Variants in HERC1 observed in about 807,000 individuals in gnomAD.
HERC1 encodes the protein probable E3 ubiquitin-protein ligase HERC1.
HERC1 carries 160 observed loss-of-function variants against 554.3 expected under a neutral mutation model. The observed-to-expected ratio is 0.29, with a 90% CI of 0.25 to 0.33. The LOEUF (loss-of-function observed/expected upper bound fraction) is 0.33. Among genes scored for constraint, HERC1 ranks in the 10% least tolerant of loss-of-function variants. The pLI is 1.00. For synonymous variants in HERC1, 2,175 were observed against 2,131.7 expected (o/e 1.02, Z -0.56); for missense variants, 4,919 against 5,918.5 (o/e 0.83, Z 5.54).
At chr15:63,641,927 C>A (rs180862267) in intron 59 of HERC1, among the ~76,000 whole-genome samples, 1 of 152,066 alleles carries the variant, frequency 6.6e-6, no homozygotes, top group Non-Finnish European at 1.5e-5. Flanking sequence ...TCAGAACCTG[C>A]AGAATAAGGC....
At chr15:63,726,226 G>A (rs547386015) in intron 17 of HERC1, among the ~76,000 whole-genome samples, 15 of 152,122 alleles carry the variant, frequency 9.9e-5, no homozygotes, top group African/African-American at 3.6e-4. Context: ...AGGTGATCCG[G>A]CGGCCTCAGC....
Position 63,674,400 on chromosome 15 carries a change from G to C in HERC1, c.7788C>G (p.Ile2596Met), listed in dbSNP as rs1251390493. 1 of 1,613,154 alleles carries C rather than the reference G, an allele frequency of 6.2e-7. No homozygotes were observed. The change falls in exon 38 of 78, where the codon ATC (isoleucine) becomes ATG (methionine). Residue 2596 changes from isoleucine to methionine, a missense_variant. Physicochemically the swap from Ile to Met is conservative, Grantham distance 10. Around this residue, in one of 11 missense-constraint regions of HERC1, gnomAD observed 1,963 missense variants for 2,228.6 expected, o/e 0.88. Coordinates refer to ENST00000443617, the MANE Select transcript of HERC1 (RefSeq NM_003922.4). ...LADLERAQAM[I>M]YKLVVHGLLE... The stretch of plus-strand genomic sequence containing the variant: ...AAAGCCCATGAACCACTAATTTATA[G>C]ATCATGGCTTGCGCTCGTTCCAGAT...
In HERC1 at chr15:63,694,280, T is replaced by C. The variant is rs1289582569; in HGVS notation, c.5480+32A>G. The C allele has an allele frequency of 1.1e-5, 18 of 1,591,734 alleles. No homozygotes were observed. The highest frequency in any genetic ancestry group is 2.3e-5 in the East Asian group (1 of 44,074). ...TAAAATGGAGGAAGACCAGACTTCA[T>C]ACAGTTCTACAAAGACATCTACCAT... On this transcript the variant is annotated intron_variant, in intron 29 of 77. Transcript: ENST00000443617. The surrounding 1 kb of genome is among the most constrained non-coding windows in gnomAD (Gnocchi z 4.3).
In HERC1 at chr15:63,758,398, T is replaced by C. The variant is rs757059643; in HGVS notation, c.1027-29A>G. On this transcript the variant is annotated intron_variant, in intron 3 of 77. Transcript: ENST00000443617. The surrounding 1 kb of genome is among the most constrained non-coding windows in gnomAD (Gnocchi z 4.0). ...TTAAAAATTTAAAATATGCAACAAATAGTCAAGACAGTTTTAGTCTGGGCA... is the reference window on the plus strand; with the variant it reads ...TTAAAAATTTAAAATATGCAACAAACAGTCAAGACAGTTTTAGTCTGGGCA... 1.0e-5 allele frequency: 15 copies of C among 1,507,460 alleles called. No homozygotes were observed. Among genetic ancestry groups the C allele is most frequent in the Admixed American group, 1.8e-5 (1 of 54,764 alleles). The allele number at this position is 1,507,460 out of a possible 1,614,324, so 93.4% of individuals were successfully genotyped here.
chr15:63,762,065 G>A (rs1478498913), intron 3 of HERC1, among the ~76,000 whole-genome samples: 1 of 152,126 alleles, frequency 6.6e-6, no homozygotes, highest in Non-Finnish European at 1.5e-5. Context: ...TCCAATAAAA[G>A]AAACCAGGAC....
chr15:63,779,126 G>A (rs2076202631), intron 1 of HERC1, among the ~76,000 whole-genome samples: 1 of 151,414 alleles, frequency 6.6e-6, no homozygotes, highest in African/African-American at 2.4e-5. Flanking sequence ...AAAAAGATAA[G>A]AAAAAAGAAT....
Position 63,727,654 on chromosome 15 carries a change from A to G in HERC1, c.3339T>C (p.Pro1113=). The part of the protein sequence containing the change: ...DLLEDQELQW[P]LHGGPELIDP... The stretch of plus-strand genomic sequence containing the variant: ...TTTATTGTCTTTACTTACCATGAAG[A>G]GGCCACTGTAACTCCTGGTCTTCTA... Residue 1113 remains proline (P), a synonymous_variant, in exon 17 of 78, where the codon CCT becomes CCC. Coordinates refer to ENST00000443617, the MANE Select transcript of HERC1 (RefSeq NM_003922.4). The surrounding 1 kb of genome is among the most constrained non-coding windows in gnomAD (Gnocchi z 4.3). 3.7e-6 allele frequency: 6 copies of G among 1,609,876 alleles called. No homozygotes were observed. Among genetic ancestry groups the G allele is most frequent in the Non-Finnish European group, 5.1e-6 (6 of 1,177,728 alleles).
chr15:63,787,203 A>T (rs925967276), intron 1 of HERC1, among the ~76,000 whole-genome samples: 1 of 151,782 alleles, frequency 6.6e-6, no homozygotes, highest in Non-Finnish European at 1.5e-5. Flanking sequence ...GTCACCAAGG[A>T]TGGAGTGCAG....
At chr15:63,632,897 C>A in intron 67 of HERC1, 86 bp from the exon 68 acceptor site, 1 of 851,562 alleles carries the variant, frequency 1.2e-6, no homozygotes. Context: ...TCAAGAACTA[C>A]CTTCCAACAA....
intron 14 of HERC1, among the ~76,000 whole-genome samples, chr15:63,731,574 T>A (rs537532753): frequency 6.6e-6 from 1 of 152,352 alleles, no homozygotes; most frequent in Non-Finnish European, 1.5e-5. Context: ...AACATCAGAT[T>A]AAATTTACAT....
chr15:63,617,753 T>C (rs950439496), intron 74 of HERC1, among the ~76,000 whole-genome samples: 1 of 152,250 alleles, frequency 6.6e-6, no homozygotes, highest in Non-Finnish European at 1.5e-5. Flanking sequence ...ATTTCTCTGA[T>C]GGCCAGTGAT....
At chr15:63,638,836 AC>A in intron 61 of HERC1, 60 bp from the exon 62 acceptor site, 2 of 1,158,094 alleles carry the variant, frequency 1.7e-6, no homozygotes, top group Admixed American at 3.4e-5. Context: ...CCTGCTCTTA[AC>A]CACAAAGTCC....
chr15:63,765,474 C>G (rs542559341), intron 2 of HERC1, among the ~76,000 whole-genome samples: 12 of 152,204 alleles, frequency 7.9e-5, no homozygotes, highest in Non-Finnish European at 1.5e-4. Context: ...CTCATTATAT[C>G]CATCCAGCGT....
At chr15:63,788,217 T>C (rs2076519023) in intron 1 of HERC1, among the ~76,000 whole-genome samples, 1 of 152,148 alleles carries the variant, frequency 6.6e-6, no homozygotes, top group Non-Finnish European at 1.5e-5. Flanking sequence ...ACTGATGATT[T>C]GGGGAACAAA....
intron 1 of HERC1, among the ~76,000 whole-genome samples, chr15:63,814,120 A>C (rs1246290340): frequency 6.6e-6 from 1 of 152,190 alleles, no homozygotes. Context: ...ATAAAACTAT[A>C]TGTACAGAAT....
chr15:63,812,440 G>C (rs1159725082), intron 1 of HERC1, among the ~76,000 whole-genome samples: 1 of 152,168 alleles, frequency 6.6e-6, no homozygotes, highest in Admixed American at 6.5e-5. Context: ...ACTTTTCTTT[G>C]AATACATCTA....
At chr15:63,813,012 T>G (rs551940844) in intron 1 of HERC1, among the ~76,000 whole-genome samples, 1 of 152,256 alleles carries the variant, frequency 6.6e-6, no homozygotes, top group East Asian at 1.9e-4. Flanking sequence ...GGAACTAGAA[T>G]AGCTAAAAAC....
intron 1 of HERC1, among the ~76,000 whole-genome samples, chr15:63,804,307 C>T (rs569535012): frequency 8.4e-4 from 128 of 152,202 alleles, no homozygotes; most frequent in Non-Finnish European, 1.5e-3. Context: ...TATTGCTAGC[C>T]GGGCACAGTG....
chr15:63,727,569 T>C lies in HERC1; in HGVS notation c.3346+78A>G. On this transcript the variant is annotated intron_variant, in intron 17 of 77. Transcript: ENST00000443617. This position sits in a 1 kb window ranked among gnomAD's most constrained non-coding sequence, Gnocchi z 4.3. The stretch of plus-strand genomic sequence containing the variant: ...TAGCCTTAGGATAGATAGACTCCAA[T>C]GGAAAAACACAGTGATGTGTGCAAG... 4.9e-6 allele frequency: 5 copies of C among 1,021,994 alleles called. No homozygotes were observed. The highest frequency in any genetic ancestry group is 7.2e-6 in the Non-Finnish European group (5 of 696,964). 63.3% of individuals were successfully genotyped at this position (1,021,994 alleles called of 1,614,324 possible). A position where few individuals can be genotyped will look rare whatever the true frequency, so the allele number is the denominator to read the frequency against.
Sources: gnomAD v4.1 joint callset for allele counts (sites outside exome capture counted in the v4.1 genomes callset) on GRCh38, gnomAD v4.1.1 for gene constraint, gnomAD v4.1.1 regional missense constraint, Gnocchi (gnomAD v3.1) non-coding constraint, MANE v1.5 for transcripts, NCBI Gene and HGNC (gene_info 2026-07-23, HGNC 2026-07-21) for gene names.